PCDH7: variants seen among roughly 807,000 people sequenced by gnomAD.
PCDH7 encodes protocadherin 7.
In PCDH7, 17 loss-of-function variants were observed where a neutral mutation model predicts 58.9. That is an observed-to-expected ratio of 0.29 (90% CI 0.20 to 0.43). The LOEUF is 0.43. Among genes scored for constraint, PCDH7 ranks in the 20% least tolerant of loss-of-function variants. PCDH7 has a pLI of 1.00. For missense variants in PCDH7, 1,274 were observed against 1,441.0 expected (o/e 0.88, Z 1.88); for synonymous variants, 664 against 616.4 (o/e 1.08, Z -1.14).
intron 2 of PCDH7, among the ~76,000 whole-genome samples, chr4:30,945,743 T>A (rs1172619141): frequency 6.6e-6 from 1 of 152,102 alleles, no homozygotes; most frequent in East Asian, 1.9e-4. Flanking sequence ...CACTAGCATA[T>A]CTGCAGTTTC....
intron 3 of PCDH7, among the ~76,000 whole-genome samples, chr4:31,082,637 G>A (rs1275068206): frequency 6.6e-6 from 1 of 152,130 alleles, no homozygotes; most frequent in Non-Finnish European, 1.5e-5. Context: ...AACTTGGATG[G>A]AGCTGGAGGC....
At chr4:30,739,738 A>T (rs984572855) in intron 1 of PCDH7, among the ~76,000 whole-genome samples, 5 of 152,202 alleles carry the variant, frequency 3.3e-5, no homozygotes, top group Non-Finnish European at 7.4e-5. Context: ...CATGAAACAC[A>T]CAGAAAGAGG....
chr4:30,990,634 C>T (rs2109123150), intron 3 of PCDH7, among the ~76,000 whole-genome samples: 1 of 152,188 alleles, frequency 6.6e-6, no homozygotes, highest in Middle Eastern at 3.4e-3. Context: ...CAAACCACTC[C>T]TATAATCCCA....
At chr4:31,038,966 G>T (rs557200747) in intron 3 of PCDH7, among the ~76,000 whole-genome samples, 1 of 152,244 alleles carries the variant, frequency 6.6e-6, no homozygotes, top group African/African-American at 2.4e-5. Flanking sequence ...TAACTTACCA[G>T]ATAGTGTTTT....
At chr4:30,877,578 G>T (rs556151133) in intron 1 of PCDH7, among the ~76,000 whole-genome samples, 1 of 152,176 alleles carries the variant, frequency 6.6e-6, no homozygotes, top group Non-Finnish European at 1.5e-5. Flanking sequence ...GTCTCCTTCC[G>T]ACTGGCTCTC....
chr4:31,084,652 A>C (rs1712091340), intron 3 of PCDH7, among the ~76,000 whole-genome samples: 2 of 117,804 alleles, frequency 1.7e-5, no homozygotes, highest in African/African-American at 3.5e-5. Context: ...AAGCAGGAGC[A>C]AGAAAGAGAG....
intron 3 of PCDH7, among the ~76,000 whole-genome samples, chr4:31,033,089 A>G (rs1023219753): frequency 1.3e-5 from 2 of 152,220 alleles, no homozygotes; most frequent in Non-Finnish European, 2.9e-5. Flanking sequence ...ATTTTAAAGT[A>G]ATATTATCTG....
intron 1 of PCDH7, among the ~76,000 whole-genome samples, chr4:30,747,569 G>A (rs1431161168): frequency 6.6e-6 from 1 of 152,152 alleles, no homozygotes; most frequent in Admixed American, 6.5e-5. Flanking sequence ...GCCAGGAATG[G>A]CTAGTAGAAT....
At chr4:30,977,100 G>A (rs1750138856) in intron 3 of PCDH7, among the ~76,000 whole-genome samples, 1 of 152,100 alleles carries the variant, frequency 6.6e-6, no homozygotes, top group Non-Finnish European at 1.5e-5. Flanking sequence ...TAAATAAGTA[G>A]GCATTTGTCA....
chr4:30,968,368 TACACACA>T (rs1749211825), intron 3 of PCDH7, among the ~76,000 whole-genome samples: 1 of 115,982 alleles, frequency 8.6e-6, no homozygotes, highest in African/African-American at 3.3e-5. Context: ...ACTATATATA[TACACACA>T]CTATATATAT....
intron 1 of PCDH7, among the ~76,000 whole-genome samples, chr4:30,789,196 G>A (rs1723800113): frequency 6.6e-6 from 1 of 152,170 alleles, no homozygotes; most frequent in Non-Finnish European, 1.5e-5. Flanking sequence ...ATTTGTAACA[G>A]AGGAAACCTT....
chr4:30,795,464 G>A (rs976549387), intron 1 of PCDH7, among the ~76,000 whole-genome samples: 1 of 152,182 alleles, frequency 6.6e-6, no homozygotes, highest in African/African-American at 2.4e-5. Context: ...TGTGACACAA[G>A]TCACAAAGCT....
Position 30,722,817 on chromosome 4 carries a change from C to T in PCDH7, c.1395C>T (p.Asp465=), listed in dbSNP as rs753031874. Reference sequence around the variant, plus strand: ...TGGTCACCTGCACCGTGGTGGGCGACGTGCCCTTCCAGCTCAAGCCAGCCA... The same window carrying T: ...TGGTCACCTGCACCGTGGTGGGCGATGTGCCCTTCCAGCTCAAGCCAGCCA... Residue 465 remains aspartate (D), a synonymous_variant, in exon 1 of 2, where the codon GAC becomes GAT. Transcript: ENST00000361762. The surrounding 1 kb of genome is among the most constrained non-coding windows in gnomAD (Gnocchi z 7.6). 6.2e-7 allele frequency: 1 copy of T among 1,613,686 alleles called. No individual in the cohort carries two copies. Among genetic ancestry groups the T allele is most frequent in the East Asian group, 2.2e-5 (1 of 44,868 alleles).
intron 3 of PCDH7, among the ~76,000 whole-genome samples, chr4:31,092,042 T>C (rs1475323116): frequency 6.6e-6 from 1 of 151,974 alleles, no homozygotes; most frequent in African/African-American, 2.4e-5. Flanking sequence ...GTTTAGATTT[T>C]CCATATATTT....
At chr4:31,082,287 G>T (rs1186575199) in intron 3 of PCDH7, among the ~76,000 whole-genome samples, 1 of 152,040 alleles carries the variant, frequency 6.6e-6, no homozygotes, top group African/African-American at 2.4e-5. Flanking sequence ...AAAATTCATT[G>T]GGATACAACA....
chr4:30,848,968 G>T (rs1241265229), intron 1 of PCDH7, among the ~76,000 whole-genome samples: 2 of 152,098 alleles, frequency 1.3e-5, no homozygotes, highest in Non-Finnish European at 1.5e-5. Flanking sequence ...ACCCTTTAGA[G>T]AAATCATGCT....
At chr4:30,854,926 T>G (rs929307171) in intron 1 of PCDH7, among the ~76,000 whole-genome samples, 1 of 152,118 alleles carries the variant, frequency 6.6e-6, no homozygotes, top group African/African-American at 2.4e-5. Context: ...AAACAGGTAT[T>G]ATTATTTATA....
In PCDH7 at chr4:30,818,420, G is replaced by A. The variant is rs1243181978; in HGVS notation, c.70+93824G>A. 3.3e-5 allele frequency among the ~76,000 whole-genome samples: 5 copies of A among 152,206 alleles called. No homozygotes were observed. The East Asian group carries it at 9.7e-4, about 29-fold the overall frequency. ...ATCATATGCCAAAAGGAAGCCTTAT[G>A]GTCAAGAAAATGAGTCTTCTCTCCA... On this transcript the variant is annotated intron_variant, in intron 1 of 3. Coordinates refer to the PCDH7 transcript ENST00000509759.
At chr4:31,121,439 T>C (rs1717681154) in intron 3 of PCDH7, among the ~76,000 whole-genome samples, 1 of 152,224 alleles carries the variant, frequency 6.6e-6, no homozygotes, top group Non-Finnish European at 1.5e-5. Flanking sequence ...TTAAGAATAA[T>C]TAATTTAAGA....
Sources: gnomAD v4.1 joint callset for allele counts (sites outside exome capture counted in the v4.1 genomes callset) on GRCh38, gnomAD v4.1.1 for gene constraint, Gnocchi (gnomAD v3.1) non-coding constraint, MANE v1.5 for transcripts, NCBI Gene and HGNC (gene_info 2026-07-23, HGNC 2026-07-21) for gene names.